The following SNX4 variants were observed in gnomAD, a reference collection of about 807,000 sequenced individuals.
SNX4 encodes the protein sorting nexin-4.
In SNX4, 49 loss-of-function variants were observed where a neutral mutation model predicts 70.8. The ratio of observed to expected loss-of-function variants is 0.69; its 90% CI spans 0.55 to 0.88. The LOEUF (loss-of-function observed/expected upper bound fraction) is 0.88, where lower values mean the gene tolerates loss of function less well. Ranked by LOEUF, SNX4 falls within the 40% of genes least tolerant of loss-of-function variation. SNX4 has a pLI of 0.00. For missense variants in SNX4, 528 were observed against 544.8 expected (o/e 0.97, Z 0.31); for synonymous variants, 206 against 183.8 (o/e 1.12, Z -0.98).
At chr3:125,504,341 A>G (rs886414632) in intron 2 of SNX4, among the ~76,000 whole-genome samples, 1 of 151,358 alleles carries the variant, frequency 6.6e-6, no homozygotes, top group Non-Finnish European at 1.5e-5. Flanking sequence ...TCAAAAAAAA[A>G]AAAAAAAAAA....
chr3:125,474,554 G>T (rs1483666328), intron 8 of SNX4, among the ~76,000 whole-genome samples: 1 of 152,130 alleles, frequency 6.6e-6, no homozygotes, highest in Non-Finnish European at 1.5e-5. Context: ...GGCCTCAAGT[G>T]ATCCTCCTTC....
intron 6 of SNX4, among the ~76,000 whole-genome samples, chr3:125,482,715 C>G (rs1934441094): frequency 6.6e-6 from 1 of 152,050 alleles, no homozygotes; most frequent in African/African-American, 2.4e-5. Context: ...TTCACAGTCC[C>G]CAAGTATTCA....
At chr3:125,499,828 G>A (rs1934885605) in intron 2 of SNX4, among the ~76,000 whole-genome samples, 1 of 151,454 alleles carries the variant, frequency 6.6e-6, no homozygotes, top group Middle Eastern at 3.2e-3. Flanking sequence ...CAGCACTTTG[G>A]GAGGTCAAGG....
At chr3:125,453,362 G>A (rs575471693) in intron 12 of SNX4, among the ~76,000 whole-genome samples, 98 of 152,260 alleles carry the variant, frequency 6.4e-4, no homozygotes, top group Non-Finnish European at 1.1e-3. Context: ...ATGGTGGAGG[G>A]AAAGTACAAA....
intron 2 of SNX4, among the ~76,000 whole-genome samples, chr3:125,503,787 C>A (rs1934982129): frequency 1.3e-5 from 2 of 152,106 alleles, no homozygotes; most frequent in Non-Finnish European, 2.9e-5. Context: ...GTTATTTATT[C>A]CAGATTCCAA....
intron 8 of SNX4, among the ~76,000 whole-genome samples, chr3:125,475,647 G>A (rs1934274023): frequency 6.6e-6 from 1 of 152,196 alleles, no homozygotes; most frequent in Non-Finnish European, 1.5e-5. Context: ...TTATAGGCAT[G>A]AGCCACCACG....
intron 1 of SNX4, among the ~76,000 whole-genome samples, chr3:125,506,564 G>GGT (rs1935047775): frequency 6.7e-6 from 1 of 148,632 alleles, no homozygotes; most frequent in Admixed American, 6.7e-5. Flanking sequence ...GGAGTGCAGT[G>GGT]GCACGATCTC....
At chr3:125,511,205 T>C (rs1935168217) in intron 1 of SNX4, among the ~76,000 whole-genome samples, 1 of 152,226 alleles carries the variant, frequency 6.6e-6, no homozygotes. Context: ...TGAGCCACCG[T>C]GCCCAGTTTA....
In SNX4 at chr3:125,451,396, G is replaced by A. The variant is rs1933569015; in HGVS notation, c.1214C>T (p.Ala405Val). The A allele has an allele frequency of 1.2e-6, 2 of 1,613,158 alleles. No homozygotes were observed. Among genetic ancestry groups the A allele is most frequent in the Non-Finnish European group, 1.7e-6 (2 of 1,179,398 alleles). The change falls in exon 13 of 14, where the codon GCT (alanine) becomes GTT (valine). Residue 405 changes from alanine to valine, a missense_variant. By Grantham distance (64) the Ala-to-Val change is moderately conservative. This residue lies in a region of SNX4 where 159 missense variants were observed against 172.6 expected (regional missense o/e 0.92). Transcript: ENST00000251775. ...EGREFVKNAW[A>V]DIERFKEQKN... Reference sequence around the variant, plus strand: ...TTGTTCTTTGAAGCGTTCAATATCAGCCCATGCGTTTTTCACAAATTCTCT... The same window carrying A: ...TTGTTCTTTGAAGCGTTCAATATCAACCCATGCGTTTTTCACAAATTCTCT...
chr3:125,478,199 C>T (rs1934327720), intron 7 of SNX4, among the ~76,000 whole-genome samples: 1 of 151,926 alleles, frequency 6.6e-6, no homozygotes, highest in African/African-American at 2.4e-5. Context: ...CCCACCTCAG[C>T]CTCCCGAGTA....
intron 1 of SNX4, among the ~76,000 whole-genome samples, chr3:125,515,974 T>C (rs1935270791): frequency 6.6e-6 from 1 of 152,212 alleles, no homozygotes; most frequent in Non-Finnish European, 1.5e-5. Context: ...TCCTTTTTAA[T>C]GTTATCCTTA....
intron 6 of SNX4, among the ~76,000 whole-genome samples, chr3:125,487,212 A>T (rs557894676): frequency 1.1e-4 from 17 of 152,298 alleles, no homozygotes; most frequent in African/African-American, 3.8e-4. Context: ...TAAGAATCTG[A>T]TATAACAATG....
chr3:125,457,038 A>C (rs1297273516), intron 11 of SNX4, among the ~76,000 whole-genome samples: 1 of 152,114 alleles, frequency 6.6e-6, no homozygotes, highest in African/African-American at 2.4e-5. Flanking sequence ...ATTTCTTATA[A>C]TTCTATACAG....
intron 5 of SNX4, among the ~76,000 whole-genome samples, chr3:125,494,981 T>C (rs1421516101): frequency 6.6e-6 from 1 of 151,932 alleles, no homozygotes; most frequent in Non-Finnish European, 1.5e-5. Flanking sequence ...AATGTGCCTG[T>C]CTCCACTCAC....
intron 9 of SNX4, among the ~76,000 whole-genome samples, chr3:125,461,093 G>A (rs962845775): frequency 5.9e-5 from 9 of 152,170 alleles, no homozygotes; most frequent in Non-Finnish European, 8.8e-5. Context: ...GGAAGTGGGG[G>A]CGGGTGCCTG....
chr3:125,517,048 G>A (rs1335887112), intron 1 of SNX4: 2 of 151,914 alleles, frequency 1.3e-5, no homozygotes, highest in African/African-American at 2.4e-5. Flanking sequence ...TTGTTCTACT[G>A]TTTCCCCCCT....
chr3:125,462,715 C>T (rs977864213), intron 9 of SNX4, among the ~76,000 whole-genome samples: 1 of 151,500 alleles, frequency 6.6e-6, no homozygotes, highest in African/African-American at 2.4e-5. Context: ...TTTAATTACA[C>T]ACACCATTCC....
chr3:125,474,171 G>A (rs988068536), intron 8 of SNX4, among the ~76,000 whole-genome samples: 1 of 151,976 alleles, frequency 6.6e-6, no homozygotes, highest in African/African-American at 2.4e-5. Context: ...CTGAATGACT[G>A]AAAAAAATCC....
At chr3:125,507,595 CA>C (rs1396392781) in intron 1 of SNX4, among the ~76,000 whole-genome samples, 2 of 152,154 alleles carry the variant, frequency 1.3e-5, no homozygotes, top group African/African-American at 4.8e-5. Context: ...TATAACTTTT[CA>C]AAGACAGAAT....
Sources: gnomAD v4.1 joint callset for allele counts (sites outside exome capture counted in the v4.1 genomes callset) on GRCh38, gnomAD v4.1.1 for gene constraint, gnomAD v4.1.1 regional missense constraint, MANE v1.5 for transcripts, NCBI Gene and HGNC (gene_info 2026-07-23, HGNC 2026-07-21) for gene names.